Variants in RABL6 observed in about 807,000 individuals in gnomAD.
The protein encoded by RABL6 is rab-like protein 6.
RABL6 carries 28 observed loss-of-function variants against 72.9 expected under a neutral mutation model. That is an observed-to-expected ratio of 0.38 (90% CI 0.28 to 0.53). The LOEUF (loss-of-function observed/expected upper bound fraction) is 0.53. Ranked by LOEUF, RABL6 falls within the 20% of genes least tolerant of loss-of-function variation. RABL6 has a pLI of 0.80. For missense variants in RABL6, 1,029 were observed against 1,008.4 expected (o/e 1.02, Z -0.28); for synonymous variants, 477 against 421.2 (o/e 1.13, Z -1.62).
rs556594165 is a variant in RABL6 at position 136,834,035 on chromosome 9, G to C, written c.705+1665G>C. On this transcript the variant is annotated intron_variant, in intron 7 of 14. Transcript: ENST00000311502. ...CTGGACAGAGTCTTGAGCTGGAAGC[G>C]TAGGGCTGAGCTGTGTGTGACTATC... 14 of 1,469,194 alleles carry C rather than the reference G, an allele frequency of 9.5e-6. No homozygotes were observed. In the East Asian group the frequency reaches 2.5e-4, roughly 26 times the overall value. 91.0% of individuals were successfully genotyped at this position (1,469,194 alleles called of 1,614,324 possible).
At position 136,840,505 on chromosome 9, in the gene RABL6, G is replaced by A. The variant is rs749420400; in HGVS notation, c.2173G>A (p.Asp725Asn). The A allele has an allele frequency of 3.4e-5, 52 of 1,528,700 alleles. No individual in the cohort carries two copies. The highest frequency in any genetic ancestry group is 4.2e-5 in the African/African-American group (3 of 71,784). 94.7% of individuals were successfully genotyped at this position (1,528,700 alleles called of 1,614,324 possible). The change falls in exon 15 of 15, where the codon GAC (aspartate) becomes AAC (asparagine). Residue 725 changes from aspartate (D) to asparagine (N), a missense_variant. Around this residue, in one of 2 missense-constraint regions of RABL6, gnomAD observed 595 missense variants for 472.4 expected, o/e 1.26. Transcript: ENST00000311502. ...GGGCGGCCGCCACCCTGGGGGTGGC[G>A]ACTACGAGGAGCTCTAGGCCGGCGT... ...APGGRHPGGG[D>N]YEEL
intron 12 of RABL6, 24 bp from the exon 13 acceptor site, chr9:136,839,670 G>A (rs752113194): frequency 6.4e-7 from 1 of 1,565,832 alleles, no homozygotes; most frequent in South Asian, 1.2e-5. Flanking sequence ...ATGATGGCCT[G>A]ACCAGTTGCT....
intron 1 of RABL6, among the ~76,000 whole-genome samples, chr9:136,819,751 T>A (rs941360524): frequency 6.6e-6 from 1 of 152,044 alleles, no homozygotes; most frequent in African/African-American, 2.4e-5. Flanking sequence ...ACCTGAAGGC[T>A]CAAGGAACAT....
rs376360724 is a variant in RABL6 at position 136,838,936 on chromosome 9, G to A, written c.1308G>A (p.Pro436=). 255 of 1,605,082 alleles carry A rather than the reference G, an allele frequency of 1.6e-4. No homozygotes were observed. The African/African-American group carries it at 2.5e-3, about 16-fold the overall frequency. ...DSDGEALGGN[P]MVAGFQDDVD... ...ATGGGGAGGCCCTGGGCGGCAACCC[G>A]ATGGTGGCAGGGTTCCAGGACGATG... Residue 436 remains proline, a synonymous_variant, in exon 11 of 15, where the codon CCG becomes CCA. Transcript: ENST00000311502.
chr9:136,833,682 GC>G, intron 7 of RABL6: 2 of 1,548,276 alleles, frequency 1.3e-6, no homozygotes, highest in Non-Finnish European at 1.7e-6. Flanking sequence ...GGGACCTGGG[GC>G]CCAGCTGCAG....
At chr9:136,829,084 A>T (rs995171852) in intron 4 of RABL6, among the ~76,000 whole-genome samples, 4 of 152,184 alleles carry the variant, frequency 2.6e-5, no homozygotes, top group Non-Finnish European at 5.9e-5. Context: ...CTGGTAGTCC[A>T]GCACCCACTT....
chr9:136,818,160 A>G (rs1323360436), intron 1 of RABL6, among the ~76,000 whole-genome samples: 5 of 151,142 alleles, frequency 3.3e-5, no homozygotes, highest in African/African-American at 4.9e-5. Context: ...TCAGGAGATC[A>G]AGACCATCCT....
At chr9:136,819,587 CAA>C (rs995408398) in intron 1 of RABL6, among the ~76,000 whole-genome samples, 7 of 152,082 alleles carry the variant, frequency 4.6e-5, no homozygotes, top group African/African-American at 1.7e-4. Context: ...GAGTTGGAAA[CAA>C]GACACTAGGT....
At position 136,808,472 on chromosome 9, in the gene RABL6, G is replaced by T. The variant is rs1475048705; in HGVS notation, c.130+146G>T. The T allele has an allele frequency of 3.2e-6, 3 of 928,350 alleles. No individual in the cohort carries two copies. In the African/African-American group the frequency reaches 5.3e-5, roughly 16 times the overall value. 57.5% of individuals were successfully genotyped at this position (928,350 alleles called of 1,614,324 possible). ...CCCGCCGGGCGCTCCGGGAGCGGGGGCGCGGGCCAGGGGACGCGAGGAGAG... is the reference window on the plus strand; with the variant it reads ...CCCGCCGGGCGCTCCGGGAGCGGGGTCGCGGGCCAGGGGACGCGAGGAGAG... On this transcript the variant is annotated intron_variant, in intron 1 of 14. Coordinates refer to ENST00000311502, the MANE Select transcript of RABL6 (RefSeq NM_024718.5).
intron 7 of RABL6, chr9:136,833,351 C>A: frequency 2.7e-6 from 1 of 373,902 alleles, no homozygotes; most frequent in Non-Finnish European, 5.1e-6. Flanking sequence ...CCTGGGCTGC[C>A]CCGCCTGGGT....
rs1848543477 is a variant in RABL6, at chr9:136,834,296, A to G, written c.706-1446A>G. The G allele has an allele frequency of 3.8e-6, 4 of 1,042,790 alleles. No homozygotes were observed. The South Asian group carries it at 1.8e-4, about 47-fold the overall frequency. 64.6% of individuals were successfully genotyped at this position (1,042,790 alleles called of 1,614,324 possible). A position where few individuals can be genotyped will look rare whatever the true frequency, so the allele number is the denominator to read the frequency against. ...CTCACAGAAGGTTTTTCTTGGAGAA[A>G]TAAGCCACAATAACAAATTGAAAAA... On this transcript the variant is annotated intron_variant, in intron 7 of 14. Coordinates refer to ENST00000311502, the MANE Select transcript of RABL6 (RefSeq NM_024718.5).
At chr9:136,835,938 G>A (rs921813491) in intron 8 of RABL6, 93 bp downstream of exon 8, 4 of 1,237,410 alleles carry the variant, frequency 3.2e-6, no homozygotes, top group Non-Finnish European at 4.6e-6. Context: ...GACAGCAGAG[G>A]GGAGTGTCCC....
At position 136,838,949 on chromosome 9, in the gene RABL6, T is replaced by C. The variant is rs761826034; in HGVS notation, c.1321T>C (p.Phe441Leu). The C allele has an allele frequency of 2.5e-6, 4 of 1,609,548 alleles. No individual in the cohort carries two copies. The highest frequency in any genetic ancestry group is 1.3e-5 in the African/African-American group (1 of 74,978). The part of the protein sequence containing the change: ...ALGGNPMVAG[F>L]QDDVDLEDQP... ...GGGCGGCAACCCGATGGTGGCAGGG[T>C]TCCAGGACGATGTGGACCTCGAAGA... Residue 441 changes from phenylalanine (F) to leucine (L), a missense_variant, in exon 11 of 15, where the codon TTC (phenylalanine) becomes CTC (leucine). Physicochemically the swap from Phe to Leu is conservative, Grantham distance 22. Transcript: ENST00000311502.
Position 136,818,390 on chromosome 9 carries a change from AAAAAAAAAAAAAAACC to A in RABL6, c.131-5131_131-5116del, listed in dbSNP as rs1554768617. Among the ~76,000 whole-genome samples the A allele has an allele frequency of 1.4e-3, 101 of 73,324 alleles. 1 individual carries two copies. Among genetic ancestry groups the A allele is most frequent in the South Asian group, 4.8e-3 (10 of 2,092 alleles). The allele number at this position is 73,324 out of a possible 152,430, so 48.1% of individuals were successfully genotyped here. A position where few individuals can be genotyped will look rare whatever the true frequency, so the allele number is the denominator to read the frequency against. On this transcript the variant is annotated intron_variant, in intron 1 of 14. Coordinates refer to ENST00000311502, the MANE Select transcript of RABL6 (RefSeq NM_024718.5). ...AAAAAAAAAAAAAAAAAAAAAAAAA[AAAAAAAAAAAAAAACC>A]AAAGGTAAGCAAAGAAACTGGTAAA...
chr9:136,808,339 G>T lies in RABL6; in HGVS notation c.130+13G>T. 3 of 1,506,086 alleles carry T rather than the reference G, an allele frequency of 2.0e-6. No individual in the cohort carries two copies. Among genetic ancestry groups the T allele is most frequent in the Non-Finnish European group, 2.7e-6 (3 of 1,129,138 alleles). 93.3% of individuals were successfully genotyped at this position (1,506,086 alleles called of 1,614,324 possible). ...GTGCAGTACAACAGTGAGTGCGGCG[G>T]GCCGGGGGGGCGCGGGAGCGCCGCG... On this transcript the variant is annotated intron_variant, in intron 1 of 14. Coordinates refer to ENST00000311502, the MANE Select transcript of RABL6 (RefSeq NM_024718.5).
intron 13 of RABL6, 76 bp downstream of exon 13, chr9:136,839,941 G>T: frequency 6.5e-7 from 1 of 1,536,242 alleles, no homozygotes; most frequent in South Asian, 1.2e-5. Flanking sequence ...GCTGCTGGCC[G>T]CTGGCCGGGG....
At position 136,837,630 on chromosome 9, in the gene RABL6, C is replaced by T. The variant is rs1375628893; in HGVS notation, c.1094C>T (p.Ser365Leu). The T allele has an allele frequency of 1.9e-5, 30 of 1,596,956 alleles. No individual in the cohort carries two copies. The highest frequency in any genetic ancestry group is 2.3e-5 in the Non-Finnish European group (27 of 1,173,504). Residue 365 changes from serine to leucine, a missense_variant, in exon 9 of 15, where the codon TCA becomes TTA. Coordinates refer to ENST00000311502, the MANE Select transcript of RABL6 (RefSeq NM_024718.5). ...RSIISRLFGTSPATEAAPPPP... is the reference protein window; with the variant it reads ...RSIISRLFGTLPATEAAPPPP... ...ATCATCTCTAGGCTGTTTGGGACGT[C>T]ACCTGCCACCGAGGCAGCCCCTCCA...
At chr9:136,834,488 C>G (rs1848547379) in intron 7 of RABL6, 2 of 975,452 alleles carry the variant, frequency 2.1e-6, no homozygotes, top group African/African-American at 1.8e-5. Flanking sequence ...CTTTAATACA[C>G]TCTTTTTTTT....
At chr9:136,822,147 C>T (rs1848251081) in intron 1 of RABL6, 8 of 1,210,962 alleles carry the variant, frequency 6.6e-6, no homozygotes, top group Non-Finnish European at 8.5e-6. Context: ...GCTTCGAGGC[C>T]GGGCGCCCTC....
Sources: allele counts gnomAD v4.1 joint callset (sites outside exome capture counted in the v4.1 genomes callset), GRCh38; gene constraint gnomAD v4.1.1; regional missense constraint gnomAD v4.1.1; transcripts MANE v1.5; gene names NCBI Gene and HGNC (gene_info 2026-07-23, HGNC 2026-07-21).